The following ITSN2 variants were observed in gnomAD, a reference collection of about 807,000 sequenced individuals.
ITSN2 encodes intersectin-2.
In ITSN2, 156 loss-of-function variants were observed where a neutral mutation model predicts 243.7. The observed-to-expected ratio is 0.64, with a 90% confidence interval of 0.56 to 0.73. ITSN2 has a LOEUF of 0.73. Ranked by LOEUF, ITSN2 falls within the 30% of genes least tolerant of loss-of-function variation. The pLI is 0.00. For synonymous variants in ITSN2, 703 were observed against 699.9 expected (o/e 1.00, Z -0.07); for missense variants, 1,801 against 1,996.1 (o/e 0.90, Z 1.86).
At chr2:24,288,804 G>A (rs1047614761) in intron 15 of ITSN2, among the ~76,000 whole-genome samples, 1 of 152,042 alleles carries the variant, frequency 6.6e-6, no homozygotes, top group Non-Finnish European at 1.5e-5. Context: ...GATTTCCTTT[G>A]AGCAAACTCT....
At chr2:24,286,980 G>A (rs2151564311) in intron 15 of ITSN2, among the ~76,000 whole-genome samples, 1 of 152,198 alleles carries the variant, frequency 6.6e-6, no homozygotes, top group South Asian at 2.1e-4. Context: ...AATATTATCT[G>A]TTTAAATGTC....
At chr2:24,345,933 T>G (rs1420829881) in intron 1 of ITSN2, among the ~76,000 whole-genome samples, 2 of 152,206 alleles carry the variant, frequency 1.3e-5, no homozygotes, top group Non-Finnish European at 1.5e-5. Context: ...TATATTTTAT[T>G]CTAGTACCTC....
At chr2:24,254,460 CAAACAA>C in intron 23 of ITSN2, 29 bp from the exon 24 acceptor site, 1 of 1,559,184 alleles carries the variant, frequency 6.4e-7, no homozygotes, top group Non-Finnish European at 8.8e-7. Flanking sequence ...AACAAACAAA[CAAACAA>C]ACAAATACAA....
chr2:24,264,226 T>C (rs1676294596), intron 20 of ITSN2, among the ~76,000 whole-genome samples: 1 of 151,966 alleles, frequency 6.6e-6, no homozygotes, highest in Non-Finnish European at 1.5e-5. Flanking sequence ...ACCCTGTCTC[T>C]AGTAAAAATA....
rs367574973 is a variant in ITSN2, at chr2:24,270,731, T to G, written c.2295A>C (p.Leu765Phe). The change falls in exon 20 of 40, where the codon TTA (leucine) becomes TTC (phenylalanine). Residue 765 changes from leucine to phenylalanine, a missense_variant. Physicochemically the swap from Leu to Phe is conservative, Grantham distance 22. Transcript: ENST00000355123. The stretch of plus-strand genomic sequence containing the variant: ...CATGGTTCCTTGCTTCAAAGGGGTA[T>G]AATGCTCTATAATTCACCAAAACAC... ...TASVLVNYRA[L>F]YPFEARNHDE... 3 of 1,599,702 alleles carry G rather than the reference T, an allele frequency of 1.9e-6. No homozygotes were observed. The African/African-American group carries it at 4.0e-5, about 21-fold the overall frequency.
intron 17 of ITSN2, among the ~76,000 whole-genome samples, chr2:24,278,272 A>T (rs922974911): frequency 6.6e-6 from 1 of 152,154 alleles, no homozygotes; most frequent in Non-Finnish European, 1.5e-5. Context: ...CATTCTGTAT[A>T]TTCCTCTATC....
At chr2:24,358,827 A>G (rs1262276869) in intron 1 of ITSN2, among the ~76,000 whole-genome samples, 1 of 152,218 alleles carries the variant, frequency 6.6e-6, no homozygotes. Context: ...TTTAGCCTTG[A>G]GATGTACCGA....
intron 18 of ITSN2, chr2:24,273,551 A>C (rs1204170646): frequency 1.3e-5 from 2 of 152,188 alleles, no homozygotes; most frequent in Non-Finnish European, 2.9e-5. Context: ...AAAATTTTCT[A>C]TATATTTTTT....
chr2:24,305,276 TA>T lies in ITSN2; in HGVS notation c.794-1415del, dbSNP rs568823694. Among the ~76,000 whole-genome samples, 56 of 152,026 alleles carry T rather than the reference TA, an allele frequency of 3.7e-4. No homozygotes were observed. In the East Asian group the frequency reaches 0.01, roughly 28 times the overall value. ...TAAATAAATTTTTAAAAACTATGTT[TA>T]GGGGGAGGAGAAGAGAAGTAAAAAA... On this transcript the variant is annotated intron_variant, in intron 8 of 39. Coordinates refer to ENST00000355123, the MANE Select transcript of ITSN2 (RefSeq NM_006277.3).
At chr2:24,357,948 T>TC (rs1436166848) in intron 1 of ITSN2, among the ~76,000 whole-genome samples, 5 of 152,234 alleles carry the variant, frequency 3.3e-5, no homozygotes, top group Non-Finnish European at 7.3e-5. Context: ...GGAGTCTCAC[T>TC]CTGTCGCCTA....
Position 24,220,949 on chromosome 2 carries a change from A to G in ITSN2, c.3695T>C (p.Val1232Ala). Residue 1232 changes from valine to alanine, a missense_variant, in exon 30 of 40, where the codon GTC (valine) becomes GCC (alanine). This residue lies in a region of ITSN2 where 928 missense variants were observed against 1,065.4 expected (regional missense o/e 0.87). Transcript: ENST00000355123. ...AGCCAGCAGCAGCCTCCTCACCTCG[A>G]CGACGAGCTGAAGGTCAGCCATGTA... is the stretch of plus-strand genomic sequence containing the variant. The part of the protein sequence containing the change: ...ERYMADLQLV[V>A]EVFQKRMAES... The G allele has an allele frequency of 6.3e-7, 1 of 1,597,514 alleles. No individual in the cohort carries two copies. The highest frequency in any genetic ancestry group is 1.4e-5 in the African/African-American group (1 of 74,034).
chr2:24,275,942 C>A, intron 17 of ITSN2, 93 bp from the exon 18 acceptor site: 6 of 913,982 alleles, frequency 6.6e-6, no homozygotes, highest in East Asian at 2.7e-5. Context: ...AGATAAAAAT[C>A]CTATAGCAAG....
At chr2:24,311,582 C>T (rs1683264466) in intron 5 of ITSN2, 1 of 167,044 alleles carries the variant, frequency 6.0e-6, no homozygotes, top group Non-Finnish European at 1.5e-5. Context: ...AGTGAAGGAA[C>T]ATGTTTCAGA....
In ITSN2 at chr2:24,295,759, G is replaced by T; in HGVS notation, c.1540C>A (p.Leu514Ile). ...TCAGTCTTTTGAGTTTGCTTTTTGA[G>T]TCGGACATCCTGAAGTCTGCCTGAG... ...QISGRLQDVR[L>I]KKQTQKTELE... Residue 514 changes from leucine to isoleucine, a missense_variant, in exon 14 of 40, where the codon CTC (leucine) becomes ATC (isoleucine). Leu to Ile is a conservative substitution (Grantham distance 5). Coordinates refer to ENST00000355123, the MANE Select transcript of ITSN2 (RefSeq NM_006277.3). The T allele has an allele frequency of 6.4e-7, 1 of 1,566,026 alleles. No homozygotes were observed. Among genetic ancestry groups the T allele is most frequent in the Non-Finnish European group, 8.6e-7 (1 of 1,161,504 alleles).
chr2:24,297,988 CTTTTTTTTT>C (rs760279389), intron 13 of ITSN2, among the ~76,000 whole-genome samples: 1 of 143,196 alleles, frequency 7.0e-6, no homozygotes, highest in Non-Finnish European at 1.5e-5. Context: ...TTACATTTTT[CTTTTTTTTT>C]TTTTTGAGAT....
chr2:24,213,916 G>A (rs996084335), intron 32 of ITSN2, among the ~76,000 whole-genome samples: 8 of 152,118 alleles, frequency 5.3e-5, no homozygotes, highest in South Asian at 2.1e-4. Flanking sequence ...TGAGATCATC[G>A]TAAGGAAAAA....
intron 5 of ITSN2, 92 bp from the exon 6 acceptor site, chr2:24,310,784 T>G: frequency 1.0e-6 from 1 of 962,284 alleles, no homozygotes; most frequent in Non-Finnish European, 1.6e-6. Flanking sequence ...GGGCAGACTC[T>G]ATGTTTACCA....
Position 24,331,952 on chromosome 2 carries a change from A to ACC in ITSN2, c.-33-3838_-33-3837insGG, listed in dbSNP as rs1414035474. Among the ~76,000 whole-genome samples, 4 of 152,200 alleles carry ACC rather than the reference A, an allele frequency of 2.6e-5. No individual in the cohort carries two copies. In the East Asian group the frequency reaches 7.7e-4, roughly 29 times the overall value. ...AGTGGCTTTCAAGAAGGGAGTTTGA[A>ACC]AGTTGTTGTGGCCAGGCGCAGTGGT... On this transcript the variant is annotated intron_variant, in intron 1 of 39. Transcript: ENST00000355123.
rs778243517 is a variant in ITSN2, at chr2:24,254,390, G to A, written c.2930C>T (p.Ser977Leu). Residue 977 changes from serine (S) to leucine (L), a missense_variant, in exon 24 of 40, where the codon TCG becomes TTG. Transcript: ENST00000355123. ...LYAAVNKKPT[S>L]AAYSVGEEYI... Reference sequence around the variant, plus strand: ...ACCTTCTCCAACTGAATAGGCTGCCGAGGTAGGTTTCTTATTTACAGCTGC... The same window carrying A: ...ACCTTCTCCAACTGAATAGGCTGCCAAGGTAGGTTTCTTATTTACAGCTGC... 33 of 1,612,294 alleles carry A rather than the reference G, an allele frequency of 2.0e-5. No homozygotes were observed. Among genetic ancestry groups the A allele is most frequent in the Admixed American group, 3.3e-5 (2 of 59,976 alleles).
Sources: gnomAD v4.1 joint callset for allele counts (sites outside exome capture counted in the v4.1 genomes callset) on GRCh38, gnomAD v4.1.1 for gene constraint, gnomAD v4.1.1 regional missense constraint, MANE v1.5 for transcripts, NCBI Gene and HGNC (gene_info 2026-07-23, HGNC 2026-07-21) for gene names.